The following FBXO10 variants were observed in gnomAD, a reference collection of about 807,000 sequenced individuals.
FBXO10 encodes the protein F-box protein 10, also known as F-box only protein 10.
FBXO10 carries 39 observed loss-of-function variants against 80.7 expected under a neutral mutation model. The observed-to-expected ratio is 0.48, with a 90% CI of 0.37 to 0.63. The LOEUF (loss-of-function observed/expected upper bound fraction) is 0.63. Among genes scored for constraint, FBXO10 ranks in the 30% least tolerant of loss-of-function variants. FBXO10 has a pLI of 0.00. For missense variants in FBXO10, 1,025 were observed against 1,269.0 expected, an observed-to-expected ratio of 0.81 and a Z score of 2.92; for synonymous variants, 449 against 489.6, an observed-to-expected ratio of 0.92 and a Z score of 1.09.
chr9:37,563,624 C>T (rs117954006), intron 1 of FBXO10, among the ~76,000 whole-genome samples: 125 of 152,212 alleles, frequency 8.2e-4, no homozygotes, highest in East Asian at 1.4e-3. Context: ...TCTTAGGAAC[C>T]GGAGTAAAGG....
Position 37,541,196 on chromosome 9 carries a change from G to A in FBXO10, c.573C>T (p.Pro191=). Residue 191 remains proline, a synonymous_variant, in exon 2 of 11, where the codon CCC becomes CCT. Transcript: ENST00000432825. ...NLVFTPAWFS[P]IMYKTTSGHV... ...TGTGGATACCCACCTTATACATGATGGGTGAGAACCAGGCTGGCGTGAAGA... is the reference window on the plus strand; with the variant it reads ...TGTGGATACCCACCTTATACATGATAGGTGAGAACCAGGCTGGCGTGAAGA... 8.7e-6 allele frequency: 14 copies of A among 1,602,300 alleles called. No individual in the cohort carries two copies. Among genetic ancestry groups the A allele is most frequent in the Non-Finnish European group, 1.2e-5 (14 of 1,174,544 alleles).
intron 4 of FBXO10, among the ~76,000 whole-genome samples, chr9:37,529,882 C>A (rs1821575087): frequency 6.6e-6 from 1 of 151,322 alleles, no homozygotes; most frequent in Non-Finnish European, 1.5e-5. Context: ...CTTCATTGCC[C>A]AGGCTGGTCT....
intron 1 of FBXO10, among the ~76,000 whole-genome samples, chr9:37,573,187 T>G (rs1387347546): frequency 6.6e-6 from 1 of 152,194 alleles, no homozygotes; most frequent in Non-Finnish European, 1.5e-5. Context: ...GAGAAGGGAC[T>G]GAGCCCACAA....
chr9:37,522,278 G>T (rs976253865), intron 7 of FBXO10: 10 of 840,942 alleles, frequency 1.2e-5, no homozygotes, highest in African/African-American at 3.7e-5. Flanking sequence ...GTTAATAACC[G>T]TGCCTCCTTC....
intron 6 of FBXO10, 25 bp downstream of exon 6, chr9:37,525,077 G>C (rs1317614994): frequency 6.4e-7 from 1 of 1,552,930 alleles, no homozygotes; most frequent in Non-Finnish European, 8.7e-7. Flanking sequence ...CTGGCTGCCA[G>C]GTGCCAGGCA....
chr9:37,532,649 A>G (rs1056910682), intron 3 of FBXO10, among the ~76,000 whole-genome samples: 2 of 152,120 alleles, frequency 1.3e-5, no homozygotes, highest in African/African-American at 4.8e-5. Context: ...CCTGGCCCAC[A>G]CTGGTCCTTT....
chr9:37,518,273 T>C lies in FBXO10; in HGVS notation c.2366A>G (p.Gln789Arg). 6.2e-7 allele frequency: 1 copy of C among 1,614,062 alleles called. No homozygotes were observed. Among genetic ancestry groups the C allele is most frequent in the South Asian group, 1.1e-5 (1 of 91,088 alleles). Reference protein sequence around the residue: ...NRQSGVKVEAQCKVELRGNGI... With the variant: ...NRQSGVKVEARCKVELRGNGI... ...ATTGCCCCGGAGCTCCACTTTGCAC[T>C]GGGCCTCAACCTTGACCCCACTTTG... Residue 789 changes from glutamine to arginine, a missense_variant, in exon 9 of 11, where the codon CAG (glutamine) becomes CGG (arginine). Physicochemically the swap from Gln to Arg is conservative, Grantham distance 43. Around this residue, in one of 3 missense-constraint regions of FBXO10, gnomAD observed 478 missense variants for 667.8 expected, o/e 0.72. Transcript: ENST00000432825.
rs1821904528 is a variant in FBXO10, at chr9:37,541,198, G to A, written c.571C>T (p.Pro191Ser). 6.2e-7 allele frequency: 1 copy of A among 1,603,678 alleles called. No individual in the cohort carries two copies. Among genetic ancestry groups the A allele is most frequent in the Non-Finnish European group, 8.5e-7 (1 of 1,175,018 alleles). ...NLVFTPAWFS[P>S]IMYKTTSGHV... ...TGGATACCCACCTTATACATGATGG[G>A]TGAGAACCAGGCTGGCGTGAAGACG... Residue 191 changes from proline to serine, a missense_variant, in exon 2 of 11, where the codon CCC becomes TCC. By Grantham distance (74) the Pro-to-Ser change is moderately conservative. Coordinates refer to ENST00000432825, the MANE Select transcript of FBXO10 (RefSeq NM_012166.3).
At chr9:37,550,274 C>A (rs10973406) in intron 1 of FBXO10, among the ~76,000 whole-genome samples, 5,822 of 146,832 alleles carry the variant, frequency 0.04, 414 homozygotes, top group African/African-American at 0.14. Context: ...CCTCCACCTC[C>A]CAGGTTCAAG....
chr9:37,573,778 A>G (rs1822821778), intron 1 of FBXO10, among the ~76,000 whole-genome samples: 1 of 152,258 alleles, frequency 6.6e-6, no homozygotes, highest in Non-Finnish European at 1.5e-5. Context: ...TTAAACATCT[A>G]AACTGAAATA....
chr9:37,547,782 C>A (rs1008815591), intron 1 of FBXO10, among the ~76,000 whole-genome samples: 3 of 152,136 alleles, frequency 2.0e-5, no homozygotes, highest in Admixed American at 6.5e-5. Context: ...ATAGCAAGAC[C>A]CCGTCTCTAC....
rs1296721113 is a variant in FBXO10, at chr9:37,537,242, G to T, written c.1287C>A (p.Gly429=). ...GGAAGAGGCACTTGCGGATGAGGCAGCCCTGCACGGAGTTGGCCAGTGCCA... is the reference window on the plus strand; with the variant it reads ...GGAAGAGGCACTTGCGGATGAGGCATCCCTGCACGGAGTTGGCCAGTGCCA... ...EAMALANSVQ[G]CLIRKCLFRD... is the part of the protein sequence containing the mutation. The change falls in exon 3 of 11, where the codon GGC becomes GGA. Residue 429 remains glycine, a synonymous_variant. Transcript: ENST00000432825. 3.7e-6 allele frequency: 6 copies of T among 1,613,918 alleles called. No individual in the cohort carries two copies. In the African/African-American group the frequency reaches 5.3e-5, roughly 14 times the overall value.
At chr9:37,554,874 C>A (rs1024521480) in intron 1 of FBXO10, among the ~76,000 whole-genome samples, 1 of 152,136 alleles carries the variant, frequency 6.6e-6, no homozygotes, top group Non-Finnish European at 1.5e-5. Flanking sequence ...CAGTTTGGGG[C>A]TATTATGGAT....
chr9:37,548,005 G>A (rs1283940676), intron 1 of FBXO10, among the ~76,000 whole-genome samples: 4 of 152,148 alleles, frequency 2.6e-5, no homozygotes, highest in African/African-American at 9.7e-5. Flanking sequence ...AGATTAACTG[G>A]AAGGGGTTAC....
rs565709827 is a variant in FBXO10 at position 37,550,411 on chromosome 9, C to T, written c.-6-8637G>A. Among the ~76,000 whole-genome samples, 32 of 151,450 alleles carry T rather than the reference C, an allele frequency of 2.1e-4. No individual in the cohort carries two copies. The East Asian group carries it at 6.0e-3, about 29-fold the overall frequency. The stretch of plus-strand genomic sequence containing the variant: ...TGTTGGCCAGGCTGGTCTCAAACTC[C>T]TGACCTCAAGTGATCGGCCCGCCTC... On this transcript the variant is annotated intron_variant, in intron 1 of 10. Coordinates refer to ENST00000432825, the MANE Select transcript of FBXO10 (RefSeq NM_012166.3).
intron 3 of FBXO10, among the ~76,000 whole-genome samples, chr9:37,535,362 T>A (rs966902296): frequency 1.8e-4 from 27 of 149,906 alleles, no homozygotes; most frequent in African/African-American, 6.4e-4. Context: ...TTTATTTTTT[T>A]TTTGGAGACG....
At chr9:37,575,236 C>T (rs1822863326) in intron 1 of FBXO10, among the ~76,000 whole-genome samples, 1 of 151,976 alleles carries the variant, frequency 6.6e-6, no homozygotes, top group Admixed American at 6.5e-5. Flanking sequence ...TCCAGCCTGA[C>T]TCATATGGTA....
At chr9:37,547,523 A>G (rs761901945) in intron 1 of FBXO10, among the ~76,000 whole-genome samples, 9 of 152,238 alleles carry the variant, frequency 5.9e-5, no homozygotes, top group Non-Finnish European at 8.8e-5. Context: ...AGGTAGGAGG[A>G]TCACTTAAGC....
chr9:37,511,440 A>T lies in FBXO10; in HGVS notation c.*1107T>A, dbSNP rs1338937409. On this transcript the variant is annotated 3_prime_UTR_variant, in exon 11 of 11. Transcript: ENST00000432825. ...GGGACACACAGTCAGAAGTGGCCCT[A>T]CCTACGGGGAGCACACAGGTGAGTG... The T allele has an allele frequency of 6.5e-6, 1 of 152,974 alleles. No homozygotes were observed. Among genetic ancestry groups the T allele is most frequent in the Non-Finnish European group, 1.5e-5 (1 of 68,456 alleles). 9.5% of individuals were successfully genotyped at this position (152,974 alleles called of 1,614,324 possible). A position where few individuals can be genotyped will look rare whatever the true frequency, so the allele number is the denominator to read the frequency against.
Sources: gnomAD v4.1 joint callset for allele counts (sites outside exome capture counted in the v4.1 genomes callset) on GRCh38, gnomAD v4.1.1 for gene constraint, gnomAD v4.1.1 regional missense constraint, MANE v1.5 for transcripts, NCBI Gene and HGNC (gene_info 2026-07-23, HGNC 2026-07-21) for gene names.